SMG6: variants seen among roughly 807,000 people sequenced by gnomAD.
SMG6 encodes the protein SMG6 nonsense mediated mRNA decay factor.
Under a neutral mutation model 142.2 loss-of-function variants are expected in SMG6, and 66 were observed. The observed-to-expected ratio is 0.46, with a 90% confidence interval of 0.38 to 0.57. The LOEUF (loss-of-function observed/expected upper bound fraction) is 0.57. Ranked by LOEUF, SMG6 falls within the 20% of genes least tolerant of loss-of-function variation. The probability of loss-of-function intolerance (pLI) is 0.00; values close to 1 mark genes in which losing one functional copy is unlikely to be tolerated. For synonymous variants in SMG6, 779 were observed against 702.4 expected (o/e 1.11, Z -1.72); for missense variants, 1,793 against 1,832.0 (o/e 0.98, Z 0.39).
chr17:2,188,561 T>A (rs1270188163), intron 10 of SMG6, 46 bp from the exon 11 acceptor site: 2 of 1,521,346 alleles, frequency 1.3e-6, no homozygotes, highest in African/African-American at 2.8e-5. Context: ...GCGGACAAGA[T>A]GCACATCACT....
intron 8 of SMG6, among the ~76,000 whole-genome samples, chr17:2,245,475 T>C (rs548647065): frequency 3.3e-5 from 5 of 152,340 alleles, no homozygotes; most frequent in African/African-American, 1.2e-4. Context: ...AACCTCCACC[T>C]CCCAGTTCAA....
chr17:2,280,843 G>A (rs2074768828), intron 8 of SMG6, among the ~76,000 whole-genome samples: 1 of 152,098 alleles, frequency 6.6e-6, no homozygotes, highest in Non-Finnish European at 1.5e-5. Flanking sequence ...AGATCTTTGG[G>A]AGGCCACGGG....
At position 2,122,357 on chromosome 17, in the gene SMG6, AC is replaced by A. The variant is rs1238771648; in HGVS notation, c.3358-36457del. 4.6e-5 allele frequency: 7 copies of A among 152,292 alleles called. No homozygotes were observed. In the East Asian group the frequency reaches 1.3e-3, roughly 29 times the overall value. 9.4% of individuals were successfully genotyped at this position (152,292 alleles called of 1,614,324 possible). On this transcript the variant is annotated intron_variant, in intron 13 of 18. Transcript: ENST00000263073. ...AAAAGACAATATCTGGAAGCAGTGG[AC>A]CTAGTCAGATTAAAAAAAGAAAATC...
intron 10 of SMG6, among the ~76,000 whole-genome samples, chr17:2,201,988 C>T (rs1185676976): frequency 6.6e-6 from 1 of 151,980 alleles, no homozygotes; most frequent in African/African-American, 2.4e-5. Flanking sequence ...CATGCCGCTG[C>T]ACTCCAGCTG....
Position 2,236,547 on chromosome 17 carries a change from G to C in SMG6, c.2814C>G (p.Arg938=), listed in dbSNP as rs1332478320. The change falls in exon 10 of 19, where the codon CGC becomes CGG. Residue 938 remains arginine (R), a synonymous_variant. Coordinates refer to ENST00000263073, the MANE Select transcript of SMG6 (RefSeq NM_017575.5). ...TATTGATGGTCATAAGCTGCAGCATGCGGGTACTTCCAATGGGAGAGGGGC... is the reference window on the plus strand; with the variant it reads ...TATTGATGGTCATAAGCTGCAGCATCCGGGTACTTCCAATGGGAGAGGGGC... ...QHSPSPIGST[R]MLQLMTINMF... The C allele has an allele frequency of 6.2e-7, 1 of 1,613,692 alleles. No homozygotes were observed. Among genetic ancestry groups the C allele is most frequent in the Non-Finnish European group, 8.5e-7 (1 of 1,179,860 alleles).
At chr17:2,081,772 C>A in intron 15 of SMG6, 38 bp downstream of exon 15, 1 of 1,609,086 alleles carries the variant, frequency 6.2e-7, no homozygotes, top group Non-Finnish European at 8.5e-7. Context: ...AGACAGCAAC[C>A]CCCATAGTGG....
intron 1 of SMG6, among the ~76,000 whole-genome samples, chr17:2,302,555 A>G (rs1376500507): frequency 6.6e-6 from 1 of 152,142 alleles, no homozygotes; most frequent in Non-Finnish European, 1.5e-5. Flanking sequence ...AATAATAATA[A>G]CAACAATAAA....
chr17:2,293,591 T>C (rs1401047870), intron 4 of SMG6, among the ~76,000 whole-genome samples: 1 of 152,144 alleles, frequency 6.6e-6, no homozygotes, highest in Non-Finnish European at 1.5e-5. Flanking sequence ...TGCCTCAGCC[T>C]CCTGAGTAAC....
intron 8 of SMG6, among the ~76,000 whole-genome samples, chr17:2,252,906 C>T (rs772009035): frequency 6.6e-6 from 1 of 151,000 alleles, no homozygotes; most frequent in Non-Finnish European, 1.5e-5. Flanking sequence ...ATGGTTTTTA[C>T]ATTTTTTTAA....
At chr17:2,135,994 T>G (rs200690616) in intron 13 of SMG6, among the ~76,000 whole-genome samples, 6 of 98,954 alleles carry the variant, frequency 6.1e-5, no homozygotes. Flanking sequence ...ATATATATAT[T>G]TATGTGTGTG....
chr17:2,144,752 G>C (rs979967243), intron 13 of SMG6, among the ~76,000 whole-genome samples: 1 of 152,046 alleles, frequency 6.6e-6, no homozygotes, highest in Non-Finnish European at 1.5e-5. Flanking sequence ...AGAGTACATA[G>C]GTAGTATGAA....
intron 12 of SMG6, among the ~76,000 whole-genome samples, chr17:2,183,830 GAGGC>G (rs2071883635): frequency 6.6e-6 from 1 of 151,718 alleles, no homozygotes; most frequent in African/African-American, 2.4e-5. Flanking sequence ...GAGAAAGACA[GAGGC>G]AGGCAGGCAG....
chr17:2,087,678 G>A (rs1234787418), intron 13 of SMG6: 16 of 989,118 alleles, frequency 1.6e-5, no homozygotes, highest in African/African-American at 1.7e-5. Flanking sequence ...GTTCCATTGC[G>A]TGTATTCAAA....
intron 8 of SMG6, among the ~76,000 whole-genome samples, chr17:2,250,459 C>T (rs1197090120): frequency 1.3e-5 from 2 of 151,600 alleles, no homozygotes; most frequent in African/African-American, 4.8e-5. Context: ...ACAATCAAGG[C>T]TCACTGTTGT....
chr17:2,065,390 C>A, intron 17 of SMG6, 78 bp downstream of exon 17: 1 of 1,427,806 alleles, frequency 7.0e-7, no homozygotes, highest in Non-Finnish European at 9.7e-7. Context: ...GCTGATGGGC[C>A]TCCTTCAGCC....
intron 8 of SMG6, among the ~76,000 whole-genome samples, chr17:2,252,027 G>A (rs1567719244): frequency 6.6e-6 from 1 of 151,908 alleles, no homozygotes; most frequent in South Asian, 2.1e-4. Flanking sequence ...CTTGAACCAG[G>A]AGACGGAGGT....
intron 13 of SMG6, among the ~76,000 whole-genome samples, chr17:2,163,046 G>A (rs1012068000): frequency 6.6e-6 from 1 of 152,072 alleles, no homozygotes; most frequent in African/African-American, 2.4e-5. Context: ...TGCCCAGGCT[G>A]GTCTTGAACT....
chr17:2,277,165 A>ATTT (rs763149008), intron 8 of SMG6, among the ~76,000 whole-genome samples: 1 of 63,432 alleles, frequency 1.6e-5, no homozygotes, highest in Non-Finnish European at 3.8e-5. Context: ...TTATTTATTT[A>ATTT]TTTTTTATTT....
intron 2 of SMG6, among the ~76,000 whole-genome samples, chr17:2,298,261 CAT>C (rs1244860188): frequency 6.6e-6 from 1 of 152,134 alleles, no homozygotes; most frequent in Non-Finnish European, 1.5e-5. Flanking sequence ...AGTTTTTCCC[CAT>C]ATGTCTTCAC....
Sources: gnomAD v4.1 joint callset for allele counts (sites outside exome capture counted in the v4.1 genomes callset) on GRCh38, gnomAD v4.1.1 for gene constraint, MANE v1.5 for transcripts, NCBI Gene and HGNC (gene_info 2026-07-23, HGNC 2026-07-21) for gene names.